The following AMOTL1 variants were observed in gnomAD, a reference collection of about 807,000 sequenced individuals.
The protein encoded by AMOTL1 is angiomotin-like protein 1.
Under a neutral mutation model 102.9 loss-of-function variants are expected in AMOTL1, and 45 were observed. That is an observed-to-expected ratio of 0.44 (90% CI 0.34 to 0.56). AMOTL1 has a LOEUF of 0.56. Ranked by LOEUF, AMOTL1 falls within the 20% of genes least tolerant of loss-of-function variation. The probability of loss-of-function intolerance (pLI) is 0.01; values close to 1 mark genes in which losing one functional copy is unlikely to be tolerated. For missense variants in AMOTL1, 1,114 were observed against 1,225.6 expected (o/e 0.91, Z 1.36); for synonymous variants, 481 against 484.7 (o/e 0.99, Z 0.10).
At chr11:94,854,676 C>G (rs1030679095) in intron 8 of AMOTL1, among the ~76,000 whole-genome samples, 1 of 152,028 alleles carries the variant, frequency 6.6e-6, no homozygotes, top group African/African-American at 2.4e-5. Flanking sequence ...GAGGACCATC[C>G]AGAGGGTGGA....
chr11:94,814,798 C>T (rs1377420894), intron 3 of AMOTL1, among the ~76,000 whole-genome samples: 1 of 152,176 alleles, frequency 6.6e-6, no homozygotes, highest in Non-Finnish European at 1.5e-5. Flanking sequence ...ACTAGACATC[C>T]TGTATCTCCG....
Position 94,800,277 on chromosome 11 carries a change from C to G in AMOTL1, c.1087C>G (p.Arg363Gly), listed in dbSNP as rs200061183. ...QPVRTDVAVL[R>G]YQPPPEYGVT... ...TGTGAGAACAGATGTGGCCGTCCTGCGGTACCAGCCACCCCCTGAGTATGG... is the reference window on the plus strand; with the variant it reads ...TGTGAGAACAGATGTGGCCGTCCTGGGGTACCAGCCACCCCCTGAGTATGG... The change falls in exon 3 of 13, where the codon CGG (arginine) becomes GGG (glycine). Residue 363 changes from arginine (R) to glycine (G), a missense_variant. By Grantham distance (125) the Arg-to-Gly change is moderately radical (BLOSUM62 -2). Transcript: ENST00000433060. The G allele has an allele frequency of 2.5e-6, 4 of 1,611,374 alleles. No individual in the cohort carries two copies. The highest frequency in any genetic ancestry group is 1.3e-5 in the African/African-American group (1 of 74,894).
intron 1 of AMOTL1, among the ~76,000 whole-genome samples, chr11:94,778,598 C>G (rs920200421): frequency 6.6e-6 from 1 of 152,202 alleles, no homozygotes; most frequent in East Asian, 1.9e-4. Flanking sequence ...CAATATCTGA[C>G]ACATTGGAAG....
chr11:94,866,606 G>C (rs559175106), intron 11 of AMOTL1: 2 of 189,530 alleles, frequency 1.1e-5, no homozygotes, highest in Non-Finnish European at 2.2e-5. Flanking sequence ...GGGATAATGG[G>C]GGGAGGAGAG....
chr11:94,718,465 T>C (rs1950128418), intron 1 of AMOTL1, among the ~76,000 whole-genome samples: 1 of 152,048 alleles, frequency 6.6e-6, no homozygotes, highest in African/African-American at 2.4e-5. Context: ...AAATGACATA[T>C]GAATTTGTAT....
At chr11:94,824,760 C>T (rs1292035509) in intron 4 of AMOTL1, among the ~76,000 whole-genome samples, 3 of 152,192 alleles carry the variant, frequency 2.0e-5, no homozygotes, top group East Asian at 1.9e-4. Context: ...TTTTGCTGTA[C>T]AATCTTGTAG....
chr11:94,829,699 G>A (rs1592009670), intron 4 of AMOTL1, among the ~76,000 whole-genome samples: 2 of 151,756 alleles, frequency 1.3e-5, no homozygotes, highest in African/African-American at 4.8e-5. Flanking sequence ...TTTTCCTGAT[G>A]TTAACTGGGA....
chr11:94,789,454 CG>C (rs1265513253), intron 1 of AMOTL1, among the ~76,000 whole-genome samples: 4 of 152,316 alleles, frequency 2.6e-5, no homozygotes, highest in Non-Finnish European at 2.9e-5. Flanking sequence ...CCACCGTGCC[CG>C]GCACTGTTTC....
chr11:94,869,153 A>T, intron 11 of AMOTL1, 45 bp from the exon 12 acceptor site: 1 of 1,514,566 alleles, frequency 6.6e-7, no homozygotes, highest in South Asian at 1.3e-5. Context: ...TTAAAAAAAA[A>T]AAAAGGAAAA....
At chr11:94,787,749 C>G (rs541580383) in intron 1 of AMOTL1, among the ~76,000 whole-genome samples, 1 of 125,870 alleles carries the variant, frequency 7.9e-6, no homozygotes, top group Non-Finnish European at 1.7e-5. Context: ...AAATGCTGTA[C>G]TAGAATGAGA....
At chr11:94,788,139 AT>A (rs1401633695) in intron 1 of AMOTL1, among the ~76,000 whole-genome samples, 13 of 152,294 alleles carry the variant, frequency 8.5e-5, no homozygotes, top group Middle Eastern at 3.4e-3. Flanking sequence ...GGCTTCTGTA[AT>A]GGAAGGTAGA....
At chr11:94,752,106 T>G (rs2135490759) in intron 3 of AMOTL1, among the ~76,000 whole-genome samples, 1 of 152,326 alleles carries the variant, frequency 6.6e-6, no homozygotes, top group South Asian at 2.1e-4. Flanking sequence ...CTCAAATCAG[T>G]TTTGCCCAGT....
At chr11:94,708,357 T>G (rs1949965667) in intron 1 of AMOTL1, among the ~76,000 whole-genome samples, 1 of 152,158 alleles carries the variant, frequency 6.6e-6, no homozygotes, top group Admixed American at 6.5e-5. Context: ...ATAGGGAATG[T>G]AGAAAGCAGT....
chr11:94,707,127 T>C (rs1010448919), intron 1 of AMOTL1, among the ~76,000 whole-genome samples: 3 of 152,098 alleles, frequency 2.0e-5, no homozygotes, highest in Non-Finnish European at 2.9e-5. Flanking sequence ...GTTCAAACAA[T>C]GGCTGTGCTG....
At position 94,797,051 on chromosome 11, in the gene AMOTL1, A is replaced by T. The variant is rs560970299; in HGVS notation, c.199+1891A>T. 30 of 982,584 alleles carry T rather than the reference A, an allele frequency of 3.1e-5. No homozygotes were observed. The South Asian group carries it at 8.0e-4, about 26-fold the overall frequency. The allele number at this position is 982,584 out of a possible 1,614,324, so 60.9% of individuals were successfully genotyped here. On this transcript the variant is annotated intron_variant, in intron 2 of 12. Coordinates refer to ENST00000433060, the MANE Select transcript of AMOTL1 (RefSeq NM_130847.3). Reference sequence around the variant, plus strand: ...AAGTGAATATGACACTTCTATCTGGATGACTCATATTTGAGAATGCCATTT... The same window carrying T: ...AAGTGAATATGACACTTCTATCTGGTTGACTCATATTTGAGAATGCCATTT...
At chr11:94,827,958 T>A (rs1433846676) in intron 4 of AMOTL1, among the ~76,000 whole-genome samples, 1 of 152,300 alleles carries the variant, frequency 6.6e-6, no homozygotes, top group African/African-American at 2.4e-5. Context: ...ATCTTCTGTT[T>A]ACCTCCCTGA....
chr11:94,801,950 AC>A lies in AMOTL1; in HGVS notation c.1121+1641del, dbSNP rs151285553. On this transcript the variant is annotated intron_variant, in intron 3 of 12. Transcript: ENST00000433060. ...GAACAAGCCAGGGTTTTCCCAAGCG[AC>A]CTCAGTGGCTATGTGCAGGACATAC... Among the ~76,000 whole-genome samples, 195 of 152,266 alleles carry A rather than the reference AC, an allele frequency of 1.3e-3. 2 individuals are homozygous for A. Among genetic ancestry groups the A allele is most frequent in the African/African-American group, 4.4e-3 (181 of 41,566 alleles).
At chr11:94,759,621 C>A in intron 3 of AMOTL1, among the ~76,000 whole-genome samples, 1 of 147,138 alleles carries the variant, frequency 6.8e-6, no homozygotes, top group Non-Finnish European at 1.5e-5. Flanking sequence ...AGACTTGAAT[C>A]TTGAATCTTG....
rs780703277 is a variant in AMOTL1, at chr11:94,821,757, A to G, written c.1349A>G (p.Glu450Gly). 6.2e-7 allele frequency: 1 copy of G among 1,614,012 alleles called. No individual in the cohort carries two copies. Residue 450 changes from glutamate to glycine, a missense_variant, in exon 4 of 13, where the codon GAG becomes GGG. Glu to Gly is a moderately conservative substitution (Grantham distance 98, BLOSUM62 -2). Transcript: ENST00000433060. ...RAQQMVEILTEENRVLHQELQ... is the reference protein window; with the variant it reads ...RAQQMVEILTGENRVLHQELQ... ...CAGCAAATGGTGGAGATATTAACAG[A>G]GGAGAACCGGGTGCTTCACCAGGAA... is the stretch of plus-strand genomic sequence containing the variant.
Sources: allele counts gnomAD v4.1 joint callset (sites outside exome capture counted in the v4.1 genomes callset), GRCh38; gene constraint gnomAD v4.1.1; transcripts MANE v1.5; gene names NCBI Gene and HGNC (gene_info 2026-07-23, HGNC 2026-07-21).